Variants in TRPC5 observed in about 807,000 individuals in gnomAD.
TRPC5 encodes short transient receptor potential channel 5.
A neutral mutation model predicts 56.5 loss-of-function variants in TRPC5; 9 were observed. That is an observed-to-expected ratio of 0.16 (90% CI 0.10 to 0.28). The LOEUF (loss-of-function observed/expected upper bound fraction) is 0.28. TRPC5 is among the 10% of genes least tolerant of loss of function. TRPC5 has a pLI of 1.00. For missense variants in TRPC5, 469 were observed against 748.9 expected, an observed-to-expected ratio of 0.63 and a Z score of 4.36; for synonymous variants, 282 against 278.5, an observed-to-expected ratio of 1.01 and a Z score of -0.13.
intron 1 of TRPC5, among the ~76,000 whole-genome samples, chrX:111,985,704 C>T (rs917659960): frequency 1.8e-5 from 2 of 111,785 alleles, no homozygotes; most frequent in Admixed American, 1.9e-4. Context: ...TCTGCTCATC[C>T]AGATTAAGTA....
intron 3 of TRPC5, among the ~76,000 whole-genome samples, chrX:111,856,841 A>G (rs1309009595): frequency 2.8e-5 from 3 of 107,725 alleles, no homozygotes; most frequent in Non-Finnish European, 5.8e-5. Context: ...AAAAAACCAT[A>G]GGATGAACCA....
At chrX:112,003,721 G>A (rs1039015366) in intron 1 of TRPC5, among the ~76,000 whole-genome samples, 1 of 111,479 alleles carries the variant, frequency 9.0e-6, no homozygotes, top group Admixed American at 9.6e-5. Flanking sequence ...CACTGAATAT[G>A]GGGGCATATA....
chrX:111,985,515 C>T (rs1173787367), intron 1 of TRPC5, among the ~76,000 whole-genome samples: 3 of 112,185 alleles, frequency 2.7e-5, no homozygotes, highest in Admixed American at 9.5e-5. Context: ...TTGGGGAAGG[C>T]TGGGATAAAG....
chrX:111,802,349 G>T (rs1196954430), intron 7 of TRPC5, among the ~76,000 whole-genome samples: 1 of 110,770 alleles, frequency 9.0e-6, no homozygotes, highest in Non-Finnish European at 1.9e-5. Context: ...GTTCTTTGGG[G>T]TCTCTTATAT....
chrX:111,978,000 T>C (rs1170798618), intron 1 of TRPC5, among the ~76,000 whole-genome samples: 1 of 111,450 alleles, frequency 9.0e-6, no homozygotes, highest in Non-Finnish European at 1.9e-5. Context: ...AAGGGGAATT[T>C]TTGTACACTC....
intron 2 of TRPC5, among the ~76,000 whole-genome samples, chrX:111,935,433 G>A (rs1206005059): frequency 9.0e-6 from 1 of 111,630 alleles, no homozygotes; most frequent in East Asian, 2.8e-4. Context: ...TCTTCACTTT[G>A]TAGAGTGTTT....
At chrX:111,852,461 T>G in intron 4 of TRPC5, 24 bp from the exon 5 acceptor site, 1 of 1,194,555 alleles carries the variant, frequency 8.4e-7, no homozygotes, top group Non-Finnish European at 1.1e-6. Context: ...GAAAACAGTT[T>G]ATTTCTACAT....
intron 6 of TRPC5, among the ~76,000 whole-genome samples, chrX:111,842,535 A>G (rs1922790255): frequency 8.9e-6 from 1 of 112,187 alleles, no homozygotes; most frequent in Non-Finnish European, 1.9e-5. Flanking sequence ...TAGCTGCCCA[A>G]TATTCCACCC....
intron 1 of TRPC5, among the ~76,000 whole-genome samples, chrX:112,080,366 G>C (rs763329427): frequency 9.5e-6 from 1 of 105,493 alleles, no homozygotes; most frequent in Non-Finnish European, 1.9e-5. Context: ...AGATTGTATG[G>C]GGTTGATTGA....
At chrX:112,073,877 C>G (rs1018375048) in intron 1 of TRPC5, among the ~76,000 whole-genome samples, 7 of 112,222 alleles carry the variant, frequency 6.2e-5, no homozygotes, top group African/African-American at 2.3e-4. Context: ...TCATCTCTGA[C>G]TACCTTCATC....
intron 1 of TRPC5, among the ~76,000 whole-genome samples, chrX:112,026,049 A>T (rs1356459354): frequency 8.9e-6 from 1 of 112,217 alleles, no homozygotes; most frequent in African/African-American, 3.2e-5. Flanking sequence ...TCCACAAGAA[A>T]CAGTTATAAG....
intron 3 of TRPC5, among the ~76,000 whole-genome samples, chrX:111,897,793 C>T (rs1925139940): frequency 9.0e-6 from 1 of 111,048 alleles, no homozygotes; most frequent in Non-Finnish European, 1.9e-5. Context: ...TTGATAGTTA[C>T]CTGAGCTCTT....
chrX:111,922,482 G>A (rs1008216361), intron 2 of TRPC5, among the ~76,000 whole-genome samples: 4 of 112,176 alleles, frequency 3.6e-5, no homozygotes, highest in Admixed American at 9.5e-5. Flanking sequence ...TCCAAGGAAC[G>A]TGTGGAAATG....
intron 1 of TRPC5, among the ~76,000 whole-genome samples, chrX:111,968,866 C>T (rs1280640806): frequency 9.7e-6 from 1 of 103,346 alleles, no homozygotes; most frequent in Non-Finnish European, 2.0e-5. Flanking sequence ...TGGAGATATA[C>T]CTAATGCTAA....
chrX:111,896,713 C>G (rs1255804926), intron 3 of TRPC5, among the ~76,000 whole-genome samples: 13 of 111,760 alleles, frequency 1.2e-4, no homozygotes, highest in Non-Finnish European at 2.4e-4. Flanking sequence ...GATGTCAGCT[C>G]TGGCCCTGAA....
intron 1 of TRPC5, among the ~76,000 whole-genome samples, chrX:111,994,028 G>C (rs1355753815): frequency 8.9e-6 from 1 of 111,747 alleles, no homozygotes. Context: ...GGGTTTTTAT[G>C]GTTTTAGGAC....
intron 1 of TRPC5, among the ~76,000 whole-genome samples, chrX:112,023,908 AG>A (rs1203623583): frequency 4.5e-5 from 5 of 111,676 alleles, no homozygotes; most frequent in African/African-American, 6.5e-5. Flanking sequence ...AAAATTGAAA[AG>A]GGGGTGAGAG....
intron 1 of TRPC5, among the ~76,000 whole-genome samples, chrX:111,962,076 A>G (rs1272745196): frequency 2.7e-5 from 2 of 72,956 alleles, no homozygotes; most frequent in Non-Finnish European, 5.0e-5. Context: ...AGACACTGGG[A>G]CTCCAGAAAT....
chrX:111,832,344 A>G (rs1922433155), intron 7 of TRPC5, among the ~76,000 whole-genome samples: 1 of 112,259 alleles, frequency 8.9e-6, no homozygotes, highest in East Asian at 2.8e-4. Context: ...TAGAATGTAC[A>G]CAAAACAGAT....
Sources: allele counts gnomAD v4.1 joint callset (sites outside exome capture counted in the v4.1 genomes callset), GRCh38; gene constraint gnomAD v4.1.1; transcripts MANE v1.5; gene names NCBI Gene and HGNC (gene_info 2026-07-23, HGNC 2026-07-21).